VIT: variants seen among roughly 807,000 people sequenced by gnomAD.
VIT encodes vitrin.
A neutral mutation model predicts 78.0 loss-of-function variants in VIT; 99 were observed. The observed-to-expected ratio is 1.27, with a 90% CI of 1.08 to 1.50. VIT has a LOEUF of 1.50. Ranked by LOEUF, VIT falls within the 40% of genes most tolerant of loss-of-function variation. VIT has a pLI of 0.00. For missense variants in VIT, 1,126 were observed against 875.3 expected (o/e 1.29, Z -3.61); for synonymous variants, 374 against 334.3 (o/e 1.12, Z -1.29).
chr2:36,746,486 G>C (rs555226229), intron 4 of VIT, among the ~76,000 whole-genome samples: 1 of 152,090 alleles, frequency 6.6e-6, no homozygotes, highest in South Asian at 2.1e-4. Context: ...TTCCAAACTT[G>C]TTAGCGGTCT....
At chr2:36,713,601 C>G (rs536611871) in intron 1 of VIT, among the ~76,000 whole-genome samples, 2 of 152,236 alleles carry the variant, frequency 1.3e-5, no homozygotes, top group South Asian at 4.2e-4. Flanking sequence ...AGTTATGAGG[C>G]TAATTGCAAT....
intron 12 of VIT, among the ~76,000 whole-genome samples, chr2:36,799,111 T>C (rs1666125450): frequency 6.6e-6 from 1 of 152,202 alleles, no homozygotes; most frequent in South Asian, 2.1e-4. Context: ...TCCCTGAAGG[T>C]GTCCACTCTT....
chr2:36,767,898 G>A (rs1669530294), intron 7 of VIT, among the ~76,000 whole-genome samples: 1 of 152,182 alleles, frequency 6.6e-6, no homozygotes, highest in South Asian at 2.1e-4. Context: ...CTCACTTCCA[G>A]AACTTTTCTA....
Position 36,718,658 on chromosome 2 carries a change from C to A in VIT, c.52+2236C>A, listed in dbSNP as rs1666309511. On this transcript the variant is annotated intron_variant, in intron 2 of 15. Coordinates refer to ENST00000379242, the MANE Select transcript of VIT (RefSeq NM_053276.4). ...ACTCTCAGGAGCCAGCGGCACTATT[C>A]CCTGGCTCCTGTCAGATGGCCATGA... Among the ~76,000 whole-genome samples the A allele has an allele frequency of 2.0e-5, 3 of 152,130 alleles. No individual in the cohort carries two copies. The South Asian group carries it at 6.2e-4, about 32-fold the overall frequency.
intron 2 of VIT, among the ~76,000 whole-genome samples, chr2:36,724,625 T>G (rs1169292908): frequency 6.6e-6 from 1 of 152,084 alleles, no homozygotes; most frequent in Non-Finnish European, 1.5e-5. Flanking sequence ...GAGCTTTAAT[T>G]ATAATCACAG....
At chr2:36,802,053 C>T (rs1666370675) in intron 13 of VIT, among the ~76,000 whole-genome samples, 2 of 152,274 alleles carry the variant, frequency 1.3e-5, no homozygotes, top group South Asian at 2.1e-4. Context: ...CAATCAACTA[C>T]CGTTGTAGTG....
At chr2:36,753,211 TG>T (rs11296592) in intron 4 of VIT, among the ~76,000 whole-genome samples, 117,940 of 141,146 alleles carry the variant, frequency 0.84, 48,692 homozygotes, top group Admixed American at 0.9. Flanking sequence ...CTGTCAGAGT[TG>T]GGGGGTGGGG....
intron 3 of VIT, among the ~76,000 whole-genome samples, chr2:36,730,301 AG>A (rs1321610264): frequency 4.7e-5 from 7 of 149,138 alleles, no homozygotes; most frequent in Non-Finnish European, 7.4e-5. Context: ...AAAAAAAAAC[AG>A]GGGGAAAAAA....
At chr2:36,782,405 A>G (rs1232609346) in intron 10 of VIT, among the ~76,000 whole-genome samples, 1 of 152,228 alleles carries the variant, frequency 6.6e-6, no homozygotes, top group Admixed American at 6.5e-5. Context: ...GAGCTAGCTG[A>G]CCTTTAACGG....
At chr2:36,707,518 G>A (rs1163016437) in intron 1 of VIT, among the ~76,000 whole-genome samples, 1 of 152,184 alleles carries the variant, frequency 6.6e-6, no homozygotes, top group African/African-American at 2.4e-5. Context: ...GTGCTGATGG[G>A]CCCAAGCCTG....
Position 36,814,199 on chromosome 2 carries a change from G to T in VIT, c.1920G>T (p.Ala640=), listed in dbSNP as rs761598961. 2 of 1,614,202 alleles carry T rather than the reference G, an allele frequency of 1.2e-6. No homozygotes were observed. Among genetic ancestry groups the T allele is most frequent in the African/African-American group, 1.3e-5 (1 of 75,048 alleles). Residue 640 remains alanine, a synonymous_variant, in exon 16 of 16, where the codon GCG becomes GCT. Coordinates refer to ENST00000379242, the MANE Select transcript of VIT (RefSeq NM_053276.4). ...TCCCCACAGGAGTGATCACCTATGCGATAGGCGTTGCCTGGGCTGCCCAAG... is the reference window on the plus strand; with the variant it reads ...TCCCCACAGGAGTGATCACCTATGCTATAGGCGTTGCCTGGGCTGCCCAAG... ...AAHLKGVITY[A]IGVAWAAQEE... is the part of the protein sequence containing the mutation.
chr2:36,810,994 T>A (rs1336161659), intron 15 of VIT, among the ~76,000 whole-genome samples: 1 of 152,204 alleles, frequency 6.6e-6, no homozygotes, highest in African/African-American at 2.4e-5. Flanking sequence ...GAAAGCTACT[T>A]TCATTTCTTC....
intron 12 of VIT, among the ~76,000 whole-genome samples, chr2:36,797,643 G>A (rs368624920): frequency 3.5e-4 from 53 of 152,276 alleles, no homozygotes; most frequent in Middle Eastern, 6.8e-3. Flanking sequence ...TTATGTATAT[G>A]TGAGGTTCAA....
chr2:36,772,292 T>G (rs1228200655), intron 7 of VIT, among the ~76,000 whole-genome samples: 1 of 151,656 alleles, frequency 6.6e-6, no homozygotes, highest in Non-Finnish European at 1.5e-5. Flanking sequence ...ATCCCAACAC[T>G]TCGGGAGGCT....
rs1181043501 is a variant in VIT, at chr2:36,743,147, C to A, written c.166C>A (p.Pro56Thr). ...TGTCAAAGCCGGAAAGATCATCGAT[C>A]CTGAGTTCATTGTGAAATGTCCAGC... is the stretch of plus-strand genomic sequence containing the variant. ...CDVKAGKIID[P>T]EFIVKCPAGC... The change falls in exon 4 of 16, where the codon CCT (proline) becomes ACT (threonine). Residue 56 changes from proline to threonine, a missense_variant. Physicochemically the swap from Pro to Thr is conservative, Grantham distance 38. Transcript: ENST00000379242. 6.2e-7 allele frequency: 1 copy of A among 1,614,074 alleles called. No individual in the cohort carries two copies. The highest frequency in any genetic ancestry group is 8.5e-7 in the Non-Finnish European group (1 of 1,179,970).
At chr2:36,721,128 G>C (rs1475645677) in intron 2 of VIT, among the ~76,000 whole-genome samples, 2 of 152,152 alleles carry the variant, frequency 1.3e-5, no homozygotes, top group Non-Finnish European at 2.9e-5. Context: ...TTTGCTAAGA[G>C]AGTAGAGTTA....
intron 3 of VIT, among the ~76,000 whole-genome samples, chr2:36,733,314 CTCTT>C (rs1362892942): frequency 3.9e-5 from 6 of 152,246 alleles, no homozygotes; most frequent in Non-Finnish European, 5.9e-5. Context: ...GTGCATCTCT[CTCTT>C]TCTCTCTCTT....
chr2:36,808,735 C>G lies in VIT; in HGVS notation c.1653C>G (p.Ala551=). ...EISDTDTRIG[A]VQYTYEQRLE... ...CCGACACGGACACGCGCATCGGGGC[C>G]GTGCAGTACACCTACGAACAGCGGC... The change falls in exon 15 of 16, where the codon GCC becomes GCG. Residue 551 remains alanine, a synonymous_variant. Transcript: ENST00000379242. 3 of 1,614,194 alleles carry G rather than the reference C, an allele frequency of 1.9e-6. No individual in the cohort carries two copies. Among genetic ancestry groups the G allele is most frequent in the Non-Finnish European group, 2.5e-6 (3 of 1,180,024 alleles).
At chr2:36,714,832 C>T (rs917377819) in intron 1 of VIT, among the ~76,000 whole-genome samples, 7 of 152,092 alleles carry the variant, frequency 4.6e-5, no homozygotes, top group Non-Finnish European at 1.0e-4. Context: ...ACCATGGTGA[C>T]GTATTGGGTG....
Sources: allele counts gnomAD v4.1 joint callset (sites outside exome capture counted in the v4.1 genomes callset), GRCh38; gene constraint gnomAD v4.1.1; transcripts MANE v1.5; gene names NCBI Gene and HGNC (gene_info 2026-07-23, HGNC 2026-07-21).